Variants in KIF26B observed in about 807,000 individuals in gnomAD.
KIF26B encodes the protein kinesin-like protein KIF26B.
In KIF26B, 63 loss-of-function variants were observed where a neutral mutation model predicts 151.2. That is an observed-to-expected ratio of 0.42 (90% CI 0.34 to 0.51). The LOEUF is 0.51. Among genes scored for constraint, KIF26B ranks in the 20% least tolerant of loss-of-function variants. The pLI is 0.07. For synonymous variants in KIF26B, 1,357 were observed against 1,262.1 expected (o/e 1.08, Z -1.59); for missense variants, 2,813 against 2,913.6 (o/e 0.97, Z 0.79).
intron 2 of KIF26B, among the ~76,000 whole-genome samples, chr1:245,184,048 TTG>T (rs1319013324): frequency 3.7e-5 from 4 of 109,456 alleles, no homozygotes; most frequent in African/African-American, 1.2e-4. Flanking sequence ...GTGGGAGTTG[TTG>T]TTTTTTTTTT....
rs192103054 is a variant in KIF26B, at chr1:245,201,556, A to G, written c.465+44873A>G. On this transcript the variant is annotated intron_variant, in intron 2 of 14. Transcript: ENST00000407071. Reference sequence around the variant, plus strand: ...GGATAATTGCACCTTTGTAACTTTTAAGACAACAACCTAGAGGCAGAGGAT... The same window carrying G: ...GGATAATTGCACCTTTGTAACTTTTGAGACAACAACCTAGAGGCAGAGGAT... 5.3e-5 allele frequency among the ~76,000 whole-genome samples: 8 copies of G among 152,338 alleles called. No homozygotes were observed. The East Asian group carries it at 1.5e-3, about 29-fold the overall frequency.
Position 245,540,675 on chromosome 1 carries a change from A to G in KIF26B, c.1167-92A>G. ...GAGAAGGAATGATTAGGCCTCAGAA[A>G]GAACGAGGGGTTGTTTAAGAGAAAA... is the stretch of plus-strand genomic sequence containing the variant. On this transcript the variant is annotated intron_variant, in intron 4 of 14. Transcript: ENST00000407071. The surrounding 1 kb of genome is among the most constrained non-coding windows in gnomAD (Gnocchi z 4.6). The G allele has an allele frequency of 1.8e-6, 2 of 1,136,926 alleles. No homozygotes were observed. Among genetic ancestry groups the G allele is most frequent in the Non-Finnish European group, 2.7e-6 (2 of 744,672 alleles). The allele number at this position is 1,136,926 out of a possible 1,614,324, so 70.4% of individuals were successfully genotyped here.
intron 4 of KIF26B, among the ~76,000 whole-genome samples, chr1:245,442,601 T>A (rs1659133236): frequency 6.6e-6 from 1 of 152,170 alleles, no homozygotes; most frequent in African/African-American, 2.4e-5. Flanking sequence ...CTGACCATAC[T>A]GGGGAACTCT....
chr1:245,332,336 A>G (rs1672130560), intron 2 of KIF26B, among the ~76,000 whole-genome samples: 1 of 152,100 alleles, frequency 6.6e-6, no homozygotes, highest in African/African-American at 2.4e-5. Context: ...CCGTCTCCCA[A>G]GGGGGCAGGT....
chr1:245,195,659 G>A (rs1558341145), intron 2 of KIF26B, among the ~76,000 whole-genome samples: 1 of 152,210 alleles, frequency 6.6e-6, no homozygotes, highest in Non-Finnish European at 1.5e-5. Context: ...GGCTGAGCAT[G>A]TCGAGTGCCC....
At chr1:245,539,564 G>T (rs1378466264) in intron 4 of KIF26B, among the ~76,000 whole-genome samples, 4 of 152,206 alleles carry the variant, frequency 2.6e-5, no homozygotes, top group Non-Finnish European at 5.9e-5. Context: ...ATCCAGAAAT[G>T]AGTATATTAG....
chr1:245,239,366 C>T lies in KIF26B; in HGVS notation c.465+82683C>T, dbSNP rs974455865. Among the ~76,000 whole-genome samples, 5 of 152,142 alleles carry T rather than the reference C, an allele frequency of 3.3e-5. No homozygotes were observed. The highest frequency in any genetic ancestry group is 7.3e-5 in the Non-Finnish European group (5 of 68,028). On this transcript the variant is annotated intron_variant, in intron 2 of 14. Transcript: ENST00000407071. The surrounding 1 kb of genome is among the most constrained non-coding windows in gnomAD (Gnocchi z 4.3). The stretch of plus-strand genomic sequence containing the variant: ...TCTGATTCACTTTCCAGAAGAGCTA[C>T]GTTTTAATGATTTACTAGAAAGCGA...
intron 2 of KIF26B, among the ~76,000 whole-genome samples, chr1:245,364,568 C>T (rs1271280901): frequency 6.6e-6 from 1 of 151,862 alleles, no homozygotes; most frequent in Non-Finnish European, 1.5e-5. Context: ...CTACAGGCGC[C>T]CGCCACCACG....
chr1:245,386,529 G>C (rs1673549842), intron 3 of KIF26B, among the ~76,000 whole-genome samples: 1 of 151,956 alleles, frequency 6.6e-6, no homozygotes, highest in African/African-American at 2.4e-5. Flanking sequence ...ATGGAGGAGA[G>C]CTAGACATTG....
Position 245,667,894 on chromosome 1 carries a change from T to G in KIF26B, c.2259-16339T>G, listed in dbSNP as rs1217477203. On this transcript the variant is annotated intron_variant, in intron 10 of 14. Transcript: ENST00000407071. The surrounding 1 kb of genome is among the most constrained non-coding windows in gnomAD (Gnocchi z 4.3). ...CCTTAGCTGCTTCTGTTTGTTTGTT[T>G]TGTTTTGTGTTTTTGAGATGGAGTC... Among the ~76,000 whole-genome samples, 1 of 152,166 alleles carries G rather than the reference T, an allele frequency of 6.6e-6. No individual in the cohort carries two copies. The highest frequency in any genetic ancestry group is 1.5e-5 in the Non-Finnish European group (1 of 68,020).
chr1:245,461,840 A>G (rs534583396), intron 4 of KIF26B, among the ~76,000 whole-genome samples: 103 of 152,312 alleles, frequency 6.8e-4, no homozygotes, highest in Non-Finnish European at 1.1e-3. Context: ...TAGGCCGGGC[A>G]TGGTGACTCA....
At chr1:245,273,609 A>G (rs1670890045) in intron 2 of KIF26B, among the ~76,000 whole-genome samples, 1 of 152,132 alleles carries the variant, frequency 6.6e-6, no homozygotes. Context: ...TTATCATTAA[A>G]TAATGTTGTT....
At chr1:245,619,791 T>C (rs1296497086) in intron 9 of KIF26B, among the ~76,000 whole-genome samples, 1 of 151,440 alleles carries the variant, frequency 6.6e-6, no homozygotes, top group Non-Finnish European at 1.5e-5. Flanking sequence ...CGGGCGCCTG[T>C]AGTCCCAGCT....
intron 5 of KIF26B, among the ~76,000 whole-genome samples, chr1:245,547,528 T>G (rs1386931543): frequency 7.4e-6 from 1 of 135,914 alleles, no homozygotes; most frequent in Non-Finnish European, 1.5e-5. Flanking sequence ...GGAGTTGCAG[T>G]AAGCCAAGAT....
rs142024955 is a variant in KIF26B at position 245,582,152 on chromosome 1, C to T, written c.1351-20425C>T. Among the ~76,000 whole-genome samples, 18 of 152,314 alleles carry T rather than the reference C, an allele frequency of 1.2e-4. 1 individual carries two copies. In the East Asian group the frequency reaches 3.5e-3, roughly 29 times the overall value. On this transcript the variant is annotated intron_variant, in intron 5 of 14. Coordinates refer to ENST00000407071, the MANE Select transcript of KIF26B (RefSeq NM_018012.4). ...ACACACCAGGGAGCCCGATGCTGAA[C>T]TTCATGTCTGTGTTTGCTGAATGAT...
intron 3 of KIF26B, among the ~76,000 whole-genome samples, chr1:245,380,597 G>T (rs940820830): frequency 2.6e-5 from 4 of 152,176 alleles, no homozygotes; most frequent in African/African-American, 9.7e-5. Flanking sequence ...TGAGGCCCAG[G>T]CCTGTCAGGC....
At chr1:245,189,173 G>C (rs981565671) in intron 2 of KIF26B, among the ~76,000 whole-genome samples, 2 of 152,202 alleles carry the variant, frequency 1.3e-5, no homozygotes, top group African/African-American at 4.8e-5. Context: ...CTGCACACTT[G>C]AAAGTGGCTA....
rs530227096 is a variant in KIF26B at position 245,616,537 on chromosome 1, C to T, written c.2098+4561C>T. Among the ~76,000 whole-genome samples, 142 of 152,242 alleles carry T rather than the reference C, an allele frequency of 9.3e-4. No homozygotes were observed. In the Middle Eastern group the frequency reaches 0.017, roughly 18 times the overall value. On this transcript the variant is annotated intron_variant, in intron 9 of 14. Coordinates refer to ENST00000407071, the MANE Select transcript of KIF26B (RefSeq NM_018012.4). ...TGTAATGATCCCTTGGGAATGGGAC[C>T]CAAATCTAAATACAGATTTCATGTA...
At chr1:245,533,735 C>A (rs1661428785) in intron 4 of KIF26B, among the ~76,000 whole-genome samples, 1 of 152,044 alleles carries the variant, frequency 6.6e-6, no homozygotes, top group Admixed American at 6.6e-5. Context: ...CATTTGAACA[C>A]CCTGCAGTTC....
Sources: gnomAD v4.1 joint callset for allele counts (sites outside exome capture counted in the v4.1 genomes callset) on GRCh38, gnomAD v4.1.1 for gene constraint, Gnocchi (gnomAD v3.1) non-coding constraint, MANE v1.5 for transcripts, NCBI Gene and HGNC (gene_info 2026-07-23, HGNC 2026-07-21) for gene names.